The following ZNF782 variants were observed in gnomAD, a reference collection of about 807,000 sequenced individuals.
ZNF782 encodes zinc finger protein 782.
ZNF782 carries 12 observed loss-of-function variants against 13.0 expected under a neutral mutation model. The ratio of observed to expected loss-of-function variants is 0.92; its 90% CI spans 0.59 to 1.50. The LOEUF is 1.50. Among genes scored for constraint, ZNF782 ranks in the 40% most tolerant of loss-of-function variants. The pLI is 0.00. For missense variants in ZNF782, 770 were observed against 822.9 expected, an observed-to-expected ratio of 0.94 and a Z score of 0.79; for synonymous variants, 284 against 283.0, an observed-to-expected ratio of 1.00 and a Z score of -0.04.
chr9:96,857,614 A>T (rs1851659602), upstream of ZNF782, among the ~76,000 whole-genome samples: 1 of 152,224 alleles, frequency 6.6e-6, no homozygotes, highest in Non-Finnish European at 1.5e-5. Flanking sequence ...TCACCCATTT[A>T]TCTTGCTGTG....
intron 5 of ZNF782, among the ~76,000 whole-genome samples, chr9:96,825,694 T>C (rs1205982481): frequency 1.3e-5 from 2 of 151,566 alleles, no homozygotes; most frequent in Non-Finnish European, 2.9e-5. Context: ...TACAAAGAAC[T>C]CAAATTTACA....
chr9:96,820,947 A>G (rs1291151066), intron 5 of ZNF782, among the ~76,000 whole-genome samples: 1 of 152,144 alleles, frequency 6.6e-6, no homozygotes, highest in Non-Finnish European at 1.5e-5. Flanking sequence ...CCAATCCTTA[A>G]TTCTGCTTTC....
chr9:96,870,298 C>T (rs112384974), intron 1 of ZNF782, among the ~76,000 whole-genome samples: 89 of 152,244 alleles, frequency 5.8e-4, no homozygotes, highest in Middle Eastern at 3.4e-3. Context: ...GTACTGCCAA[C>T]AAAAGGAAAA....
chr9:96,855,360 A>G (rs890005036), upstream of ZNF782, among the ~76,000 whole-genome samples: 1 of 152,158 alleles, frequency 6.6e-6, no homozygotes, highest in Non-Finnish European at 1.5e-5. Context: ...TCACCTGAGC[A>G]GTATACACTG....
At position 96,818,925 on chromosome 9, in the gene ZNF782, A is replaced by C. The variant is rs932982914; in HGVS notation, c.1098T>G (p.Tyr366Ter). Residue 366 changes from tyrosine (Y) to a stop codon, truncating the protein, a stop_gained, in exon 6 of 6, where the codon TAT becomes TAG. Coordinates refer to ENST00000481138, the MANE Select transcript of ZNF782 (RefSeq NM_001001662.3). LOFTEE classifies it low-confidence loss of function (END_TRUNC). ...AGGATTTCCCACATTCATTATACTC[A>C]TAGGGTTTTGCCCTTATGTGAACCT... ...HQKVHIRAKP[Y>*]EYNECGKSCS... 2 of 1,614,082 alleles carry C rather than the reference A, an allele frequency of 1.2e-6. No individual in the cohort carries two copies. Among genetic ancestry groups the C allele is most frequent in the African/African-American group, 2.7e-5 (2 of 74,938 alleles).
chr9:96,917,304 A>C, the ZNF782 span, among the ~76,000 whole-genome samples: 1 of 148,702 alleles, frequency 6.7e-6, no homozygotes. Flanking sequence ...CAAATGAAAA[A>C]CAATCCAGGA....
chr9:96,917,988 C>T, the ZNF782 span, among the ~76,000 whole-genome samples: 6 of 150,744 alleles, frequency 4.0e-5, no homozygotes, highest in Admixed American at 6.6e-5. Context: ...GCCACCCTTG[C>T]GCCTCGGTCT....
intron 3 of ZNF782, among the ~76,000 whole-genome samples, chr9:96,847,668 T>A (rs1262135908): frequency 3.3e-5 from 5 of 152,010 alleles, no homozygotes; most frequent in African/African-American, 1.2e-4. Flanking sequence ...ATCAGTAATT[T>A]AAAAATTTGA....
chr9:96,908,324 G>A, the ZNF782 span, among the ~76,000 whole-genome samples: 4 of 151,682 alleles, frequency 2.6e-5, no homozygotes, highest in Non-Finnish European at 4.4e-5. Context: ...CTATCCTCCT[G>A]CTTCAGCCTC....
At chr9:96,852,326 G>A (rs1851519247) in intron 2 of ZNF782, among the ~76,000 whole-genome samples, 1 of 152,126 alleles carries the variant, frequency 6.6e-6, no homozygotes, top group African/African-American at 2.4e-5. Context: ...TACACCACAG[G>A]GTAAGACACT....
chr9:96,831,539 C>G (rs766986839), intron 4 of ZNF782, among the ~76,000 whole-genome samples: 5 of 151,882 alleles, frequency 3.3e-5, no homozygotes, highest in Non-Finnish European at 7.4e-5. Context: ...GAAACTCTCT[C>G]TCTACTAAAA....
the ZNF782 span, among the ~76,000 whole-genome samples, chr9:96,881,980 GAAGTAT>G: frequency 8.2e-6 from 1 of 121,374 alleles, no homozygotes; most frequent in East Asian, 2.3e-4. Flanking sequence ...AACTATTTTG[GAAGTAT>G]GAGTGTGTGT....
intron 1 of ZNF782, among the ~76,000 whole-genome samples, chr9:96,861,827 G>T (rs1195694733): frequency 1.3e-5 from 2 of 152,188 alleles, no homozygotes; most frequent in Non-Finnish European, 2.9e-5. Context: ...ATGTAATTTA[G>T]TACAACCACT....
chr9:96,838,547 T>C (rs1460985316), intron 4 of ZNF782, among the ~76,000 whole-genome samples: 2 of 152,146 alleles, frequency 1.3e-5, no homozygotes, highest in African/African-American at 4.8e-5. Flanking sequence ...GAAGCTGTTT[T>C]TAACTGCATA....
chr9:96,906,870 C>T, the ZNF782 span, among the ~76,000 whole-genome samples: 3 of 152,282 alleles, frequency 2.0e-5, no homozygotes, highest in Non-Finnish European at 4.4e-5. Context: ...TGGTGACCAG[C>T]CCCCATCCTG....
intron 4 of ZNF782, among the ~76,000 whole-genome samples, chr9:96,832,020 ATT>A (rs1018333296): frequency 5.3e-5 from 8 of 151,436 alleles, no homozygotes; most frequent in Non-Finnish European, 8.9e-5. Flanking sequence ...CTGCCATTTT[ATT>A]TGTTTTTTTT....
chr9:96,911,088 C>T, the ZNF782 span, among the ~76,000 whole-genome samples: 3 of 143,994 alleles, frequency 2.1e-5, no homozygotes, highest in African/African-American at 7.7e-5. Context: ...CTACTTCTGA[C>T]TTTACTTGTG....
chr9:96,901,305 T>C, the ZNF782 span, among the ~76,000 whole-genome samples: 1 of 141,340 alleles, frequency 7.1e-6, no homozygotes, highest in Non-Finnish European at 1.5e-5. Flanking sequence ...AGAGACTCTC[T>C]CTGTTGCCCA....
At chr9:96,881,441 T>C in the ZNF782 span, among the ~76,000 whole-genome samples, 1 of 152,158 alleles carries the variant, frequency 6.6e-6, no homozygotes, top group African/African-American at 2.4e-5. Context: ...CCAATAGATA[T>C]TATGTTGTAA....
Sources: allele counts gnomAD v4.1 joint callset (sites outside exome capture counted in the v4.1 genomes callset), GRCh38; gene constraint gnomAD v4.1.1; transcripts MANE v1.5; gene names NCBI Gene and HGNC (gene_info 2026-07-23, HGNC 2026-07-21).